COL11A1: variants seen among roughly 807,000 people sequenced by gnomAD.
The protein encoded by COL11A1 is collagen alpha-1(XI) chain.
In COL11A1, 74 loss-of-function variants were observed where a neutral mutation model predicts 265.2. The observed-to-expected ratio is 0.28, with a 90% CI of 0.23 to 0.34. COL11A1 has a LOEUF of 0.34. COL11A1 is among the 10% of genes least tolerant of loss of function. COL11A1 has a pLI of 1.00. For synonymous variants in COL11A1, 816 were observed against 727.6 expected, an observed-to-expected ratio of 1.12 and a Z score of -1.96; for missense variants, 2,165 against 2,263.6, an observed-to-expected ratio of 0.96 and a Z score of 0.88.
intron 41 of COL11A1, among the ~76,000 whole-genome samples, chr1:102,959,905 G>A (rs1037959258): frequency 3.3e-5 from 5 of 152,238 alleles, no homozygotes; most frequent in African/African-American, 1.2e-4. Context: ...CAGATGATTA[G>A]TTCAGTGTGC....
chr1:103,002,543 T>A, intron 22 of COL11A1, 62 bp from the exon 23 acceptor site: 1 of 1,426,384 alleles, frequency 7.0e-7, no homozygotes, highest in Non-Finnish European at 9.7e-7. Context: ...TTTTTGTTCT[T>A]CTCAATTGGA....
intron 4 of COL11A1, among the ~76,000 whole-genome samples, chr1:103,051,677 A>G (rs529785422): frequency 1.4e-4 from 21 of 152,176 alleles, no homozygotes; most frequent in African/African-American, 4.3e-4. Context: ...TGCAGAAATC[A>G]CCTGTCTTCT....
chr1:102,979,260 A>G (rs1662804768), intron 32 of COL11A1, 122 bp downstream of exon 32: 17 of 1,207,994 alleles, frequency 1.4e-5, no homozygotes, highest in Non-Finnish European at 1.7e-5. Flanking sequence ...CTGGCCTGGA[A>G]CTCCGGGATT....
intron 41 of COL11A1, among the ~76,000 whole-genome samples, chr1:102,955,506 C>T (rs1660286630): frequency 6.6e-6 from 1 of 152,078 alleles, no homozygotes; most frequent in Admixed American, 6.5e-5. Context: ...TCCACAACTC[C>T]TAGGGATAAA....
intron 1 of COL11A1, among the ~76,000 whole-genome samples, chr1:103,099,732 TGGA>T (rs1674089988): frequency 6.6e-6 from 1 of 151,908 alleles, no homozygotes; most frequent in Non-Finnish European, 1.5e-5. Context: ...AACAAAGTTT[TGGA>T]GGTAATATAG....
chr1:102,913,757 G>GA (rs1654981835), intron 52 of COL11A1, 67 bp from the exon 53 acceptor site: 2 of 1,402,638 alleles, frequency 1.4e-6, no homozygotes, highest in Admixed American at 1.7e-5. Context: ...TACTTATCAG[G>GA]AAAAAAGTAT....
intron 38 of COL11A1, 91 bp downstream of exon 38, chr1:102,965,396 T>C (rs1661312317): frequency 1.7e-6 from 2 of 1,182,170 alleles, no homozygotes; most frequent in Admixed American, 1.8e-5. Context: ...TTTTGAATCA[T>C]AATAAATTTA....
chr1:102,930,284 G>A (rs1464758293), intron 46 of COL11A1, among the ~76,000 whole-genome samples: 2 of 151,700 alleles, frequency 1.3e-5, no homozygotes, highest in South Asian at 2.1e-4. Context: ...CTAATTTATT[G>A]AGAGTTTTTA....
intron 65 of COL11A1, among the ~76,000 whole-genome samples, 200 bp downstream of exon 65, chr1:102,881,496 CA>C (rs1360472263): frequency 6.6e-6 from 1 of 151,872 alleles, no homozygotes; most frequent in Non-Finnish European, 1.5e-5. Flanking sequence ...AGCATATTTC[CA>C]TTTACTTTTA....
intron 46 of COL11A1, among the ~76,000 whole-genome samples, chr1:102,926,694 T>C (rs1656633392): frequency 6.6e-6 from 1 of 152,134 alleles, no homozygotes; most frequent in Non-Finnish European, 1.5e-5. Context: ...TATTGAATAT[T>C]TTATAAACAT....
intron 20 of COL11A1, among the ~76,000 whole-genome samples, chr1:103,003,755 T>C (rs1237586075): frequency 6.6e-6 from 1 of 152,170 alleles, no homozygotes; most frequent in East Asian, 1.9e-4. Context: ...GAAACCATTT[T>C]TCGAGGTTTC....
chr1:102,879,659 G>T, intron 66 of COL11A1, 24 bp downstream of exon 66: 1 of 1,598,010 alleles, frequency 6.3e-7, no homozygotes. Flanking sequence ...TCTGTGAAGG[G>T]AGACAAGCAG....
At position 102,883,272 on chromosome 1, in the gene COL11A1, T is replaced by A; in HGVS notation, c.4898A>T (p.Asp1633Val). The change falls in exon 64 of 67, where the codon GAT becomes GTT. Residue 1633 changes from aspartate (D) to valine (V), a missense_variant. Asp to Val is a radical substitution (Grantham distance 152, BLOSUM62 -3). Coordinates refer to ENST00000370096, the MANE Select transcript of COL11A1 (RefSeq NM_001854.4). ...GAAATTACAGTAAACTTTGAAGGAA[T>A]CTCCTGAGCAACCTTGGTTAGGATC... is the stretch of plus-strand genomic sequence containing the variant. ...WIDPNQGCSG[D>V]SFKVYCNFTS... 6.2e-7 allele frequency: 1 copy of A among 1,613,490 alleles called. No homozygotes were observed. The highest frequency in any genetic ancestry group is 1.7e-5 in the Admixed American group (1 of 59,980).
intron 1 of COL11A1, among the ~76,000 whole-genome samples, chr1:103,086,750 G>C (rs1672906799): frequency 6.6e-6 from 1 of 151,600 alleles, no homozygotes; most frequent in Non-Finnish European, 1.5e-5. Context: ...CCTTATCCAA[G>C]TGTTCACTCC....
At chr1:102,898,519 C>A (rs935731607) in intron 56 of COL11A1, 147 bp downstream of exon 56, 27 of 612,330 alleles carry the variant, frequency 4.4e-5, no homozygotes, top group East Asian at 2.5e-4. Flanking sequence ...TGAAGAATAT[C>A]TTTTTTACAT....
chr1:103,006,322 C>A lies in COL11A1; in HGVS notation c.1684-7G>T. On this transcript the variant is annotated splice_polypyrimidine_tract_variant and splice_region_variant and intron_variant, in intron 15 of 66. Coordinates refer to ENST00000370096, the MANE Select transcript of COL11A1 (RefSeq NM_001854.4). ...CCTGGACGCCTCGAGGGCCCTATAT[C>A]AAGACATCATAATTAAACCATATTA... 1 of 1,605,622 alleles carries A rather than the reference C, an allele frequency of 6.2e-7. No individual in the cohort carries two copies. The highest frequency in any genetic ancestry group is 8.5e-7 in the Non-Finnish European group (1 of 1,175,228).
rs921605319 is a variant in COL11A1 at position 103,066,886 on chromosome 1, G to T, written c.651+7732C>A. Reference sequence around the variant, plus strand: ...ATTGTAGGTTAACAAGAAAAGGAGTGGCCATTCTAATATCACATAAAGTAG... The same window carrying T: ...ATTGTAGGTTAACAAGAAAAGGAGTTGCCATTCTAATATCACATAAAGTAG... On this transcript the variant is annotated intron_variant, in intron 4 of 66. Coordinates refer to ENST00000370096, the MANE Select transcript of COL11A1 (RefSeq NM_001854.4). 3.3e-5 allele frequency among the ~76,000 whole-genome samples: 5 copies of T among 151,788 alleles called. No homozygotes were observed. The East Asian group carries it at 9.7e-4, about 29-fold the overall frequency.
chr1:103,046,926 C>T (rs1443480726), intron 4 of COL11A1, among the ~76,000 whole-genome samples: 4 of 152,088 alleles, frequency 2.6e-5, no homozygotes, highest in Non-Finnish European at 4.4e-5. Context: ...AGATATGCGG[C>T]ATTATTTCTG....
chr1:102,887,654 C>CATTACAAATT (rs1405250156), intron 62 of COL11A1, among the ~76,000 whole-genome samples: 1 of 152,058 alleles, frequency 6.6e-6, no homozygotes, highest in African/African-American at 2.4e-5. Context: ...AATTGTATCC[C>CATTACAAATT]ACAAAAATTT....
Sources: gnomAD v4.1 joint callset for allele counts (sites outside exome capture counted in the v4.1 genomes callset) on GRCh38, gnomAD v4.1.1 for gene constraint, MANE v1.5 for transcripts, NCBI Gene and HGNC (gene_info 2026-07-23, HGNC 2026-07-21) for gene names.